Variants in CLIC5 observed in about 807,000 individuals in gnomAD.
The protein encoded by CLIC5 is chloride intracellular channel protein 5.
CLIC5 carries 20 observed loss-of-function variants against 24.7 expected under a neutral mutation model. The ratio of observed to expected loss-of-function variants is 0.81; its 90% CI spans 0.57 to 1.18. The LOEUF (loss-of-function observed/expected upper bound fraction) is 1.18. Ranked by LOEUF, CLIC5 falls within the 50% of genes most tolerant of loss-of-function variation. The pLI, the probability that CLIC5 is intolerant of heterozygous loss-of-function variation, is 0.00. For missense variants in CLIC5, 341 were observed against 326.1 expected (o/e 1.05, Z -0.35); for synonymous variants, 159 against 135.6 (o/e 1.17, Z -1.20).
chr6:45,909,780 C>T (rs1024769820), intron 5 of CLIC5, among the ~76,000 whole-genome samples: 7 of 152,288 alleles, frequency 4.6e-5, no homozygotes, highest in African/African-American at 1.7e-4. Flanking sequence ...TGTATGGTAT[C>T]TCACAGGTGT....
chr6:45,949,320 C>A lies in CLIC5; in HGVS notation c.235G>T (p.Gly79Trp), dbSNP rs901017556. The change falls in exon 3 of 6, where the codon GGG becomes TGG. Residue 79 changes from glycine (G) to tryptophan (W), a missense_variant. Coordinates refer to ENST00000339561, the MANE Select transcript of CLIC5 (RefSeq NM_016929.5). ...GTHPPFLTFN[G>W]DVKTDVNKIE... ...TTATTGACGTCTGTCTTCACGTCCC[C>A]GTTGAAGGTCAGGAAGGGCGGGTGC... 3 of 1,613,960 alleles carry A rather than the reference C, an allele frequency of 1.9e-6. No individual in the cohort carries two copies. Among genetic ancestry groups the A allele is most frequent in the East Asian group, 4.5e-5 (2 of 44,868 alleles).
chr6:45,954,965 T>C (rs1468222694), intron 2 of CLIC5, among the ~76,000 whole-genome samples, 170 bp downstream of exon 2: 1 of 152,206 alleles, frequency 6.6e-6, no homozygotes, highest in East Asian at 1.9e-4. Flanking sequence ...AGTGAAATAC[T>C]TGCCTTTGCA....
At chr6:45,980,657 T>G (rs183089106) in intron 1 of CLIC5, among the ~76,000 whole-genome samples, 42 of 152,056 alleles carry the variant, frequency 2.8e-4, no homozygotes, top group South Asian at 1.2e-3. Flanking sequence ...GATAAAATGT[T>G]GTGAATAGAG....
intron 4 of CLIC5, among the ~76,000 whole-genome samples, chr6:45,914,878 G>C (rs1762965703): frequency 6.6e-6 from 1 of 151,650 alleles, no homozygotes; most frequent in African/African-American, 2.4e-5. Flanking sequence ...TTGAACCCAG[G>C]AGGCAGAGGT....
rs1581736655 is a variant in CLIC5 at position 45,920,284 on chromosome 6, T to A, written c.407-5875A>T. 5.1e-6 allele frequency: 5 copies of A among 984,634 alleles called. No homozygotes were observed. In the South Asian group the frequency reaches 1.9e-4, roughly 37 times the overall value. 61.0% of individuals were successfully genotyped at this position (984,634 alleles called of 1,614,324 possible). On this transcript the variant is annotated intron_variant, in intron 4 of 5. Coordinates refer to ENST00000339561, the MANE Select transcript of CLIC5 (RefSeq NM_016929.5). The stretch of plus-strand genomic sequence containing the variant: ...TCACATCACTTTTCAACTCTGCCTG[T>A]ACTAGGGGCCAGTGCTGTCACACGG...
intron 1 of CLIC5, among the ~76,000 whole-genome samples, chr6:46,042,757 G>T (rs78326914): frequency 0.044 from 6,675 of 152,210 alleles, 211 homozygotes; most frequent in Non-Finnish European, 0.071. Context: ...ATTGAGTCTC[G>T]GTTCCTGTTT....
chr6:45,918,982 C>T, intron 4 of CLIC5: 1 of 985,416 alleles, frequency 1.0e-6, no homozygotes, highest in Non-Finnish European at 1.2e-6. Flanking sequence ...GGTCCTTAAA[C>T]CATTCAAACT....
At chr6:46,098,125 C>T in the CLIC5 span, among the ~76,000 whole-genome samples, 5 of 152,248 alleles carry the variant, frequency 3.3e-5, no homozygotes, top group South Asian at 4.1e-4. Flanking sequence ...ACTAGGTCTT[C>T]GATTTCTAAA....
chr6:46,091,300 T>C, the CLIC5 span, among the ~76,000 whole-genome samples: 1 of 152,234 alleles, frequency 6.6e-6, no homozygotes, highest in Non-Finnish European at 1.5e-5. Context: ...TCTCAGTTTC[T>C]ATGAGTTTCA....
At chr6:46,053,825 C>G (rs969188222) in intron 1 of CLIC5, among the ~76,000 whole-genome samples, 7 of 152,178 alleles carry the variant, frequency 4.6e-5, no homozygotes, top group African/African-American at 1.7e-4. Flanking sequence ...AGAGGCATTC[C>G]TCTCTGCAGT....
At chr6:46,005,758 T>G (rs1393405867) in intron 1 of CLIC5, among the ~76,000 whole-genome samples, 2 of 151,882 alleles carry the variant, frequency 1.3e-5, no homozygotes, top group East Asian at 3.9e-4. Context: ...CATGAGGGGC[T>G]GAAGAGAATA....
chr6:46,066,288 A>G (rs887743253), intron 1 of CLIC5, among the ~76,000 whole-genome samples: 1 of 152,028 alleles, frequency 6.6e-6, no homozygotes, highest in East Asian at 1.9e-4. Flanking sequence ...ATGTGGGAGC[A>G]CCTCTATTTT....
Position 45,980,892 on chromosome 6 carries a change from C to T in CLIC5, c.64-25648G>A, listed in dbSNP as rs370421931. Among the ~76,000 whole-genome samples, 5 of 152,216 alleles carry T rather than the reference C, an allele frequency of 3.3e-5. No homozygotes were observed. In the East Asian group the frequency reaches 5.8e-4, roughly 18 times the overall value. On this transcript the variant is annotated intron_variant, in intron 1 of 5. Coordinates refer to ENST00000339561, the MANE Select transcript of CLIC5 (RefSeq NM_016929.5). ...CATTGTGTCTTTTTTCCCTCCTTGCCTTCTTAGAAGCTCAAAGATCATTAT... is the reference window on the plus strand; with the variant it reads ...CATTGTGTCTTTTTTCCCTCCTTGCTTTCTTAGAAGCTCAAAGATCATTAT...
chr6:46,100,859 C>T, the CLIC5 span, among the ~76,000 whole-genome samples: 2 of 152,174 alleles, frequency 1.3e-5, no homozygotes, highest in Non-Finnish European at 2.9e-5. Flanking sequence ...GCGATTACCA[C>T]TAACCCCTCA....
At chr6:45,885,863 A>T (rs1044330069) in intron 6 of CLIC5, among the ~76,000 whole-genome samples, 1 of 152,196 alleles carries the variant, frequency 6.6e-6, no homozygotes, top group Non-Finnish European at 1.5e-5. Context: ...TCAAATGTGG[A>T]GATGGCCTAA....
intron 1 of CLIC5, among the ~76,000 whole-genome samples, chr6:46,062,803 A>G (rs1204339): frequency 0.37 from 56,035 of 152,094 alleles, 10,741 homozygotes; most frequent in East Asian, 0.65. Flanking sequence ...AGGTAGCTGG[A>G]GAATGGGACT....
At position 46,043,230 on chromosome 6, in the gene CLIC5, C is replaced by T. The variant is rs138401340; in HGVS notation, c.540+36473G>A. ...CACCCTCTGTGTACCATGTACTGTG[C>T]TAGGTACTTTGTATACATTGGTTCA... On this transcript the variant is annotated intron_variant, in intron 1 of 5. Transcript: ENST00000185206. Among the ~76,000 whole-genome samples the T allele has an allele frequency of 4.4e-3, 673 of 152,208 alleles. 1 individual carries two copies. Among genetic ancestry groups the T allele is most frequent in the Non-Finnish European group, 7.6e-3 (516 of 68,014 alleles).
intron 1 of CLIC5, among the ~76,000 whole-genome samples, chr6:46,048,592 C>T (rs1007423611): frequency 1.3e-5 from 2 of 152,134 alleles, no homozygotes; most frequent in African/African-American, 4.8e-5. Flanking sequence ...TTGCTCCACC[C>T]AGCAGTCACC....
intron 1 of CLIC5, among the ~76,000 whole-genome samples, chr6:45,958,726 T>C (rs190817221): frequency 1.3e-5 from 2 of 151,954 alleles, no homozygotes; most frequent in East Asian, 3.9e-4. Flanking sequence ...TATATTGCCT[T>C]TCATGTGAGC....
Sources: gnomAD v4.1 joint callset for allele counts (sites outside exome capture counted in the v4.1 genomes callset) on GRCh38, gnomAD v4.1.1 for gene constraint, MANE v1.5 for transcripts, NCBI Gene and HGNC (gene_info 2026-07-23, HGNC 2026-07-21) for gene names.